The following MPPED1 variants were observed in gnomAD, a reference collection of about 807,000 sequenced individuals.
The protein encoded by MPPED1 is metallophosphoesterase domain containing 1.
Under a neutral mutation model 36.2 loss-of-function variants are expected in MPPED1, and 16 were observed. The observed-to-expected ratio is 0.44, with a 90% CI of 0.30 to 0.67. The LOEUF is 0.67. Among genes scored for constraint, MPPED1 ranks in the 30% least tolerant of loss-of-function variants. MPPED1 has a pLI of 0.10. For missense variants in MPPED1, 307 were observed against 453.4 expected (o/e 0.68, Z 2.93); for synonymous variants, 199 against 191.3 (o/e 1.04, Z -0.33).
At chr22:43,472,051 G>A (rs1228952212) in intron 3 of MPPED1, among the ~76,000 whole-genome samples, 2 of 152,248 alleles carry the variant, frequency 1.3e-5, no homozygotes, top group Admixed American at 6.5e-5. Flanking sequence ...TGGACTGGGT[G>A]TGAGACGGTA....
chr22:43,413,294 G>A (rs1478502449), intron 1 of MPPED1, among the ~76,000 whole-genome samples: 1 of 151,580 alleles, frequency 6.6e-6, no homozygotes, highest in Non-Finnish European at 1.5e-5. Flanking sequence ...ATGGCACTGG[G>A]AGACTTGTTA....
intron 3 of MPPED1, among the ~76,000 whole-genome samples, chr22:43,457,022 A>AT (rs1210100409): frequency 3.3e-5 from 5 of 152,092 alleles, no homozygotes; most frequent in Middle Eastern, 3.4e-3. Context: ...ACTTGCTAGT[A>AT]TTTTTTTGAG....
chr22:43,495,387 TGGTAGTGATGGA>T (rs1274595378), intron 4 of MPPED1, among the ~76,000 whole-genome samples: 2 of 146,464 alleles, frequency 1.4e-5, no homozygotes, highest in African/African-American at 2.5e-5. Context: ...GTGATGGTGG[TGGTAGTGATGGA>T]GGTGGTGATG....
chr22:43,481,221 A>T (rs1328922941), intron 4 of MPPED1, among the ~76,000 whole-genome samples: 1 of 151,964 alleles, frequency 6.6e-6, no homozygotes, highest in Non-Finnish European at 1.5e-5. Context: ...TGAGATAGGG[A>T]TCTTGTTCAG....
At chr22:43,500,335 A>ATGGTGATGGG (rs1932676092) in intron 5 of MPPED1, among the ~76,000 whole-genome samples, 2 of 27,000 alleles carry the variant, frequency 7.4e-5, no homozygotes, top group Non-Finnish European at 1.7e-4. Context: ...GTGGTGGTGG[A>ATGGTGATGGG]GGTGGTGGTG....
At chr22:43,484,944 G>T (rs1261327177) in intron 4 of MPPED1, among the ~76,000 whole-genome samples, 1 of 152,178 alleles carries the variant, frequency 6.6e-6, no homozygotes, top group Admixed American at 6.5e-5. Flanking sequence ...TGCAGCATCA[G>T]TTACATTCTG....
chr22:43,483,365 G>T (rs1931809382), intron 4 of MPPED1, among the ~76,000 whole-genome samples: 1 of 152,222 alleles, frequency 6.6e-6, no homozygotes, highest in Non-Finnish European at 1.5e-5. Context: ...CAGTGATGAG[G>T]CTGGTTCTCC....
chr22:43,489,476 C>CACAGGACA (rs1932017009), intron 4 of MPPED1, among the ~76,000 whole-genome samples: 1 of 151,924 alleles, frequency 6.6e-6, no homozygotes, highest in Non-Finnish European at 1.5e-5. Flanking sequence ...TGGGAAGTGT[C>CACAGGACA]TCTTCTGGAT....
chr22:43,456,046 G>A (rs573556314), intron 3 of MPPED1, among the ~76,000 whole-genome samples: 1 of 152,156 alleles, frequency 6.6e-6, no homozygotes, highest in Admixed American at 6.5e-5. Context: ...GGCAACCTTT[G>A]GCTTCCTTGA....
chr22:43,447,859 T>TTTTATATATATA (rs1555899992), intron 3 of MPPED1, among the ~76,000 whole-genome samples: 20 of 62,526 alleles, frequency 3.2e-4, no homozygotes, highest in South Asian at 5.9e-4. Context: ...TATGTAAATA[T>TTTTATATATATA]TATATATATA....
intron 3 of MPPED1, among the ~76,000 whole-genome samples, chr22:43,463,703 T>G (rs373893055): frequency 1.3e-5 from 2 of 152,162 alleles, no homozygotes; most frequent in Non-Finnish European, 2.9e-5. Context: ...TGATATAGTT[T>G]AAAAAAGCAT....
intron 4 of MPPED1, among the ~76,000 whole-genome samples, chr22:43,481,664 C>G (rs1931754030): frequency 6.6e-6 from 1 of 152,152 alleles, no homozygotes; most frequent in South Asian, 2.1e-4. Flanking sequence ...GCTCCCTCCC[C>G]TCTGTTTCCT....
intron 2 of MPPED1, among the ~76,000 whole-genome samples, chr22:43,429,226 G>A (rs1175900269): frequency 6.6e-6 from 1 of 152,156 alleles, no homozygotes; most frequent in African/African-American, 2.4e-5. Context: ...TGGAAGGTGA[G>A]TGTGGGGAGC....
intron 3 of MPPED1, among the ~76,000 whole-genome samples, chr22:43,470,386 A>G (rs1931333145): frequency 1.3e-5 from 2 of 152,044 alleles, no homozygotes; most frequent in South Asian, 4.2e-4. Flanking sequence ...GCACCCATTC[A>G]TCCACTCATC....
intron 3 of MPPED1, among the ~76,000 whole-genome samples, chr22:43,442,179 A>G (rs135057): frequency 0.95 from 144,393 of 151,838 alleles, 68,777 homozygotes; most frequent in Middle Eastern, 1. Context: ...GGGGTGCGGA[A>G]ACCAACCTTG....
chr22:43,486,740 G>T (rs2146899524), intron 4 of MPPED1, among the ~76,000 whole-genome samples: 1 of 151,588 alleles, frequency 6.6e-6, no homozygotes, highest in African/African-American at 2.4e-5. Flanking sequence ...TGGGGAGGCT[G>T]GGAGGGGCCC....
intron 3 of MPPED1, among the ~76,000 whole-genome samples, chr22:43,442,002 G>A (rs958621816): frequency 6.6e-6 from 1 of 152,118 alleles, no homozygotes; most frequent in Admixed American, 6.5e-5. Context: ...GTGGGGCCTC[G>A]CCCTCCCCTT....
chr22:43,480,207 C>T (rs1156742875), intron 4 of MPPED1, among the ~76,000 whole-genome samples: 2 of 152,076 alleles, frequency 1.3e-5, no homozygotes, highest in African/African-American at 2.4e-5. Flanking sequence ...GTGCAGGGCT[C>T]GGGAGACCCT....
chr22:43,422,962 A>G (rs968954508), intron 1 of MPPED1, among the ~76,000 whole-genome samples: 2 of 152,012 alleles, frequency 1.3e-5, no homozygotes, highest in Non-Finnish European at 2.9e-5. Flanking sequence ...TCACCCTCTC[A>G]AGTAGCTGGG....
Sources: gnomAD v4.1 joint callset for allele counts (sites outside exome capture counted in the v4.1 genomes callset) on GRCh38, gnomAD v4.1.1 for gene constraint, MANE v1.5 for transcripts, NCBI Gene and HGNC (gene_info 2026-07-23, HGNC 2026-07-21) for gene names.